The following NPAS3 variants were observed in gnomAD, a reference collection of about 807,000 sequenced individuals.
NPAS3 encodes the protein neuronal PAS domain-containing protein 3.
A neutral mutation model predicts 73.1 loss-of-function variants in NPAS3; 14 were observed. That is an observed-to-expected ratio of 0.19 (90% CI 0.13 to 0.30). The LOEUF (loss-of-function observed/expected upper bound fraction) is 0.30, where lower values mean the gene tolerates loss of function less well. Among genes scored for constraint, NPAS3 ranks in the 10% least tolerant of loss-of-function variants. The pLI, the probability that NPAS3 is intolerant of heterozygous loss-of-function variation, is 1.00. For missense variants in NPAS3, 1,096 were observed against 1,250.0 expected, an observed-to-expected ratio of 0.88 and a Z score of 1.86; for synonymous variants, 620 against 541.5, an observed-to-expected ratio of 1.14 and a Z score of -2.01.
intron 7 of NPAS3, among the ~76,000 whole-genome samples, chr14:33,742,670 A>G (rs1595535889): frequency 1.3e-5 from 2 of 152,172 alleles, no homozygotes; most frequent in Non-Finnish European, 2.9e-5. Context: ...ACAACAATGA[A>G]GTTTGTCACG....
Position 33,297,779 on chromosome 14 carries a change from C to A in NPAS3, c.386-69407C>A, listed in dbSNP as rs1035154027. On this transcript the variant is annotated intron_variant, in intron 3 of 11. Transcript: ENST00000356141. Reference sequence around the variant, plus strand: ...TCTTGCCAGAGGACCTTTCTGAGCTCGCTAGTTCACTGGTGTTGGAGCCTT... The same window carrying A: ...TCTTGCCAGAGGACCTTTCTGAGCTAGCTAGTTCACTGGTGTTGGAGCCTT... Among the ~76,000 whole-genome samples the A allele has an allele frequency of 3.3e-5, 5 of 152,258 alleles. No homozygotes were observed. In the South Asian group the frequency reaches 1.0e-3, roughly 32 times the overall value.
intron 4 of NPAS3, among the ~76,000 whole-genome samples, chr14:33,537,462 A>C (rs1314660057): frequency 6.6e-6 from 1 of 152,196 alleles, no homozygotes; most frequent in Non-Finnish European, 1.5e-5. Context: ...TTAATTGGCC[A>C]GTTGTTTGAA....
chr14:33,199,788 C>T (rs2046544243), intron 2 of NPAS3, among the ~76,000 whole-genome samples: 1 of 145,506 alleles, frequency 6.9e-6, no homozygotes, highest in Admixed American at 6.9e-5. Flanking sequence ...GACTAATTTA[C>T]AGTAGGTTTA....
rs557307296 is a variant in NPAS3, at chr14:33,505,790, C to A, written c.469-54331C>A. 1.6e-4 allele frequency among the ~76,000 whole-genome samples: 24 copies of A among 152,016 alleles called. 1 individual carries two copies. In the South Asian group the frequency reaches 5.0e-3, roughly 32 times the overall value. ...ATTCAAATGCCCTGATGTCCATTGG[C>A]CTTCAAGATTCTTCCTGATTGGCCT... On this transcript the variant is annotated intron_variant, in intron 4 of 11. Coordinates refer to ENST00000356141, the Ensembl canonical transcript of NPAS3.
chr14:33,455,845 TAA>T (rs1491094427), intron 4 of NPAS3, among the ~76,000 whole-genome samples: 8 of 152,308 alleles, frequency 5.3e-5, no homozygotes, highest in Non-Finnish European at 1.0e-4. Flanking sequence ...GTACAAAAGT[TAA>T]AGAGACAGAA....
At chr14:33,658,164 C>T (rs1230124304) in intron 5 of NPAS3, among the ~76,000 whole-genome samples, 4 of 152,188 alleles carry the variant, frequency 2.6e-5, no homozygotes, top group Admixed American at 6.5e-5. Context: ...ATAGATGTTT[C>T]CTAATTCATT....
At chr14:33,638,612 A>G (rs1249741997) in intron 5 of NPAS3, among the ~76,000 whole-genome samples, 1 of 152,236 alleles carries the variant, frequency 6.6e-6, no homozygotes, top group Non-Finnish European at 1.5e-5. Flanking sequence ...ATTGGCCATT[A>G]GTAGTTTTAA....
At chr14:33,386,651 A>T (rs1447985872) in intron 4 of NPAS3, among the ~76,000 whole-genome samples, 1 of 152,140 alleles carries the variant, frequency 6.6e-6, no homozygotes, top group Non-Finnish European at 1.5e-5. Flanking sequence ...CCCATTTATC[A>T]ACAGTTTTGG....
At chr14:33,579,829 C>T (rs924732826) in intron 5 of NPAS3, among the ~76,000 whole-genome samples, 1 of 152,110 alleles carries the variant, frequency 6.6e-6, no homozygotes, top group South Asian at 2.1e-4. Flanking sequence ...ATTGTATCTA[C>T]ACGAAGCCAA....
intron 6 of NPAS3, among the ~76,000 whole-genome samples, chr14:33,726,542 C>G (rs1323008666): frequency 1.3e-5 from 2 of 152,138 alleles, no homozygotes; most frequent in Admixed American, 6.5e-5. Context: ...GAGACGCCAC[C>G]ATGTCAGAGA....
intron 4 of NPAS3, among the ~76,000 whole-genome samples, chr14:33,368,465 G>A (rs979230914): frequency 2.0e-5 from 3 of 152,076 alleles, no homozygotes; most frequent in Non-Finnish European, 2.9e-5. Context: ...AGTTTATAGG[G>A]TAAAGTCCAG....
chr14:33,062,050 G>C (rs2041121725), intron 2 of NPAS3, among the ~76,000 whole-genome samples: 2 of 146,962 alleles, frequency 1.4e-5, no homozygotes, highest in South Asian at 4.2e-4. Context: ...GGTGAGGCTG[G>C]AGAGGAAGGG....
chr14:33,425,450 C>G (rs376884833), intron 4 of NPAS3, among the ~76,000 whole-genome samples: 23 of 151,556 alleles, frequency 1.5e-4, no homozygotes, highest in African/African-American at 5.6e-4. Context: ...TTATTTATCT[C>G]ATATAATAAT....
intron 2 of NPAS3, among the ~76,000 whole-genome samples, chr14:33,098,491 A>T (rs148149423): frequency 6.6e-6 from 1 of 152,164 alleles, no homozygotes; most frequent in African/African-American, 2.4e-5. Context: ...GATGTATTTC[A>T]ATACTCAAAA....
intron 1 of NPAS3, among the ~76,000 whole-genome samples, chr14:33,029,278 A>G (rs2039912258): frequency 6.6e-6 from 1 of 152,212 alleles, no homozygotes; most frequent in African/African-American, 2.4e-5. Flanking sequence ...AGTGGGGAAG[A>G]GGATAGAGTC....
At chr14:33,652,890 CCA>C (rs2059038113) in intron 5 of NPAS3, among the ~76,000 whole-genome samples, 2 of 111,422 alleles carry the variant, frequency 1.8e-5, no homozygotes, top group South Asian at 3.6e-4. Context: ...GTATTCACCC[CCA>C]TTTCTCACCC....
chr14:33,297,732 T>C (rs1338701413), intron 3 of NPAS3, among the ~76,000 whole-genome samples: 1 of 152,124 alleles, frequency 6.6e-6, no homozygotes, highest in East Asian at 1.9e-4. Context: ...TAGGAGGAAA[T>C]GGGAGTGCTG....
At chr14:33,167,589 A>G (rs1467591623) in intron 2 of NPAS3, among the ~76,000 whole-genome samples, 1 of 152,226 alleles carries the variant, frequency 6.6e-6, no homozygotes, top group Non-Finnish European at 1.5e-5. Context: ...CTGAAAATAG[A>G]AGATAATACT....
intron 6 of NPAS3, among the ~76,000 whole-genome samples, chr14:33,719,307 C>A (rs1365225065): frequency 2.0e-5 from 3 of 152,130 alleles, no homozygotes; most frequent in African/African-American, 4.8e-5. Flanking sequence ...TCGAGCATTG[C>A]AATTCTTTCC....
Sources: gnomAD v4.1 joint callset for allele counts (sites outside exome capture counted in the v4.1 genomes callset) on GRCh38, gnomAD v4.1.1 for gene constraint, MANE v1.5 for transcripts, NCBI Gene and HGNC (gene_info 2026-07-23, HGNC 2026-07-21) for gene names.